COG7: variants seen among roughly 807,000 people sequenced by gnomAD.
The protein encoded by COG7 is component of oligomeric golgi complex 7, also known as conserved oligomeric Golgi complex subunit 7.
In COG7, 49 loss-of-function variants were observed where a neutral mutation model predicts 91.5. That is an observed-to-expected ratio of 0.54 (90% CI 0.43 to 0.68). The LOEUF (loss-of-function observed/expected upper bound fraction) is 0.68, where lower values mean the gene tolerates loss of function less well. COG7 is among the 30% of genes least tolerant of loss of function. The probability of loss-of-function intolerance (pLI) is 0.00; values close to 1 mark genes in which losing one functional copy is unlikely to be tolerated. For missense variants in COG7, 895 were observed against 961.3 expected (o/e 0.93, Z 0.91); for synonymous variants, 365 against 388.7 (o/e 0.94, Z 0.72).
chr16:23,407,328 A>G (rs2142067936), intron 11 of COG7, among the ~76,000 whole-genome samples: 1 of 152,306 alleles, frequency 6.6e-6, no homozygotes, highest in Admixed American at 6.5e-5. Flanking sequence ...TGTCTCTGCC[A>G]TTGCCTTACT....
intron 5 of COG7, 119 bp downstream of exon 5, chr16:23,434,517 A>C: frequency 1.3e-6 from 1 of 795,726 alleles, no homozygotes; most frequent in East Asian, 2.6e-5. Flanking sequence ...TAAGAGAAAA[A>C]CAGCCAGAGG....
At position 23,416,966 on chromosome 16, in the gene COG7, C is replaced by A. The variant is rs772025445; in HGVS notation, c.1292+1G>T. The stretch of plus-strand genomic sequence containing the variant: ...TCTGGTCCCCAGTTCCCCAGCCTTA[C>A]TTGGCAAAGAGGGATTTCAGGGCTG... On this transcript the variant is annotated splice_donor_variant, in intron 9 of 16. Coordinates refer to ENST00000307149, the MANE Select transcript of COG7 (RefSeq NM_153603.4). LOFTEE classifies it high-confidence loss of function. 6.2e-6 allele frequency: 10 copies of A among 1,614,208 alleles called. No individual in the cohort carries two copies. The highest frequency in any genetic ancestry group is 8.5e-6 in the Non-Finnish European group (10 of 1,180,032).
chr16:23,424,980 A>G (rs2030467382), intron 6 of COG7, 33 bp from the exon 7 acceptor site: 2 of 1,561,442 alleles, frequency 1.3e-6, no homozygotes, highest in Admixed American at 1.9e-5. Context: ...CTGCCTTAGC[A>G]CATGGAGCCA....
chr16:23,452,390 G>A (rs752329552), intron 1 of COG7, among the ~76,000 whole-genome samples: 7 of 152,152 alleles, frequency 4.6e-5, no homozygotes, highest in Non-Finnish European at 8.8e-5. Context: ...AACACAGTGA[G>A]ATCCCATCTC....
At chr16:23,441,825 G>C (rs1964106205) in intron 4 of COG7, 1 of 152,528 alleles carries the variant, frequency 6.6e-6, no homozygotes, top group Non-Finnish European at 1.5e-5. Context: ...TCAGAATATA[G>C]AGGGAAATGC....
At chr16:23,436,967 TG>T (rs1964022731) in intron 4 of COG7, among the ~76,000 whole-genome samples, 2 of 151,496 alleles carry the variant, frequency 1.3e-5, no homozygotes, top group Non-Finnish European at 2.9e-5. Context: ...CCACAATGGG[TG>T]GGGAAGCTGG....
intron 14 of COG7, among the ~76,000 whole-genome samples, chr16:23,397,451 A>G (rs1444243212): frequency 6.6e-6 from 1 of 152,222 alleles, no homozygotes; most frequent in Non-Finnish European, 1.5e-5. Context: ...AGGAAAGGCC[A>G]TGTGCAGGTG....
rs772453205 is a variant in COG7 at position 23,403,679 on chromosome 16, C to G, written c.1803+15G>C. On this transcript the variant is annotated intron_variant, in intron 13 of 16. Transcript: ENST00000307149. ...AGGACCCGGGAAAAATTGATGTGGT[C>G]AGTGAGAAACTCACGTCCATCTTCG... 1 of 1,613,672 alleles carries G rather than the reference C, an allele frequency of 6.2e-7. No individual in the cohort carries two copies. Among genetic ancestry groups the G allele is most frequent in the African/African-American group, 1.3e-5 (1 of 74,896 alleles).
intron 1 of COG7, 27 bp from the exon 2 acceptor site, chr16:23,445,988 A>G (rs1278199875): frequency 6.3e-7 from 1 of 1,592,670 alleles, no homozygotes. Flanking sequence ...AAAAAAAAAC[A>G]ACAACAACAG....
chr16:23,433,790 T>A, intron 5 of COG7, 123 bp from the exon 6 acceptor site: 4 of 1,076,114 alleles, frequency 3.7e-6, no homozygotes, highest in African/African-American at 1.6e-5. Flanking sequence ...GGCAGCCCAG[T>A]GAGGTCCATT....
chr16:23,412,616 C>T (rs1012987048), intron 10 of COG7: 1 of 152,256 alleles, frequency 6.6e-6, no homozygotes, highest in African/African-American at 2.4e-5. Flanking sequence ...TAGTGGCCCA[C>T]AGGCCACACA....
At chr16:23,436,399 A>G (rs1433935692) in intron 4 of COG7, among the ~76,000 whole-genome samples, 1 of 152,132 alleles carries the variant, frequency 6.6e-6, no homozygotes, top group Non-Finnish European at 1.5e-5. Context: ...AAAGGGGAAC[A>G]TGTTGGGGAT....
intron 10 of COG7, 140 bp from the exon 11 acceptor site, chr16:23,410,500 C>T (rs1963545290): frequency 2.7e-6 from 2 of 739,888 alleles, no homozygotes; most frequent in Admixed American, 2.0e-5. Flanking sequence ...TAAACATCTG[C>T]TGGCCTGAAA....
At chr16:23,426,834 A>AAAAGAAAG (rs1227960398) in intron 6 of COG7, among the ~76,000 whole-genome samples, 8 of 146,134 alleles carry the variant, frequency 5.5e-5, no homozygotes, top group Admixed American at 6.8e-5. Context: ...AAAAAAAAAA[A>AAAAGAAAG]AAAGAAAGAA....
chr16:23,396,721 T>C (rs1260840957), intron 14 of COG7, among the ~76,000 whole-genome samples: 1 of 151,608 alleles, frequency 6.6e-6, no homozygotes. Flanking sequence ...TTCCCATGGG[T>C]TGTAAAGACC....
At chr16:23,407,012 G>T (rs547435550) in intron 11 of COG7, among the ~76,000 whole-genome samples, 276 of 152,298 alleles carry the variant, frequency 1.8e-3, no homozygotes, top group African/African-American at 6.5e-3. Flanking sequence ...ATGAACATGT[G>T]TAACACATTA....
At chr16:23,435,422 G>GCATTCCACA (rs1313423348) in intron 4 of COG7, among the ~76,000 whole-genome samples, 3 of 152,168 alleles carry the variant, frequency 2.0e-5, no homozygotes, top group Non-Finnish European at 2.9e-5. Flanking sequence ...GTAACTATTA[G>GCATTCCACA]CATTCCACAC....
chr16:23,401,116 G>A (rs1248807716), intron 13 of COG7, among the ~76,000 whole-genome samples: 1 of 152,132 alleles, frequency 6.6e-6, no homozygotes, highest in Non-Finnish European at 1.5e-5. Context: ...GGTAAAATAG[G>A]TAAACTTCAA....
At chr16:23,445,012 A>G in intron 3 of COG7, 36 bp downstream of exon 3, 1 of 1,469,132 alleles carries the variant, frequency 6.8e-7, no homozygotes, top group Non-Finnish European at 9.5e-7. Flanking sequence ...TCTTGCTTAA[A>G]TACCTTTCAT....
Sources: gnomAD v4.1 joint callset for allele counts (sites outside exome capture counted in the v4.1 genomes callset) on GRCh38, gnomAD v4.1.1 for gene constraint, MANE v1.5 for transcripts, NCBI Gene and HGNC (gene_info 2026-07-23, HGNC 2026-07-21) for gene names.